Variants in CCND3 observed in about 807,000 individuals in gnomAD.
The protein encoded by CCND3 is cyclin D3.
CCND3 carries 9 observed loss-of-function variants against 28.7 expected under a neutral mutation model. The ratio of observed to expected loss-of-function variants is 0.31; its 90% CI spans 0.19 to 0.55. CCND3 has a LOEUF of 0.55. Among genes scored for constraint, CCND3 ranks in the 20% least tolerant of loss-of-function variants. CCND3 has a pLI of 0.93. For missense variants in CCND3, 315 were observed against 385.8 expected (o/e 0.82, Z 1.54); for synonymous variants, 164 against 163.9 (o/e 1.00, Z 0.00).
intron 1 of CCND3, among the ~76,000 whole-genome samples, chr6:42,047,506 G>C (rs1244770384): frequency 6.6e-6 from 1 of 152,188 alleles, no homozygotes; most frequent in African/African-American, 2.4e-5. Context: ...AGAGGAAACA[G>C]TCTCAGAGTC....
rs529777766 is a variant in CCND3 at position 42,013,882 on chromosome 6, G to T, written c.-46+34619C>A. On this transcript the variant is annotated intron_variant, in intron 1 of 4. Coordinates refer to the CCND3 transcript ENST00000372988. Reference sequence around the variant, plus strand: ...AGGTCAAGAGACTGAGATCATCCTGGCTAATATGGTAAAACTCCATTTCCA... The same window carrying T: ...AGGTCAAGAGACTGAGATCATCCTGTCTAATATGGTAAAACTCCATTTCCA... Among the ~76,000 whole-genome samples, 16 of 151,894 alleles carry T rather than the reference G, an allele frequency of 1.1e-4. No homozygotes were observed. The South Asian group carries it at 2.9e-3, about 28-fold the overall frequency.
At chr6:41,949,460 G>A (rs970534382) in intron 1 of CCND3, among the ~76,000 whole-genome samples, 14 of 152,186 alleles carry the variant, frequency 9.2e-5, no homozygotes, top group South Asian at 2.1e-4. Flanking sequence ...AGCCGAGATC[G>A]TGCCACTGCA....
chr6:41,958,741 T>C (rs1422175951), intron 1 of CCND3, among the ~76,000 whole-genome samples: 2 of 152,190 alleles, frequency 1.3e-5, no homozygotes, highest in Non-Finnish European at 2.9e-5. Flanking sequence ...GGTAAGAATA[T>C]GTTCCAGTTA....
intron 1 of CCND3, among the ~76,000 whole-genome samples, chr6:42,020,804 C>G (rs981128618): frequency 4.6e-5 from 7 of 152,124 alleles, no homozygotes; most frequent in African/African-American, 1.7e-4. Flanking sequence ...CAGGCTGGAG[C>G]GCAATGGCAT....
intron 1 of CCND3, among the ~76,000 whole-genome samples, chr6:41,964,062 G>A (rs1761787479): frequency 6.6e-6 from 1 of 152,204 alleles, no homozygotes. Flanking sequence ...GATGAATAAA[G>A]TATACCCACC....
chr6:42,024,803 A>G (rs574081343), intron 1 of CCND3, among the ~76,000 whole-genome samples: 1 of 152,310 alleles, frequency 6.6e-6, no homozygotes, highest in South Asian at 2.1e-4. Flanking sequence ...TCATGCCTGT[A>G]ATCCCAGCAC....
intron 1 of CCND3, among the ~76,000 whole-genome samples, chr6:42,008,609 G>C (rs1470262989): frequency 6.6e-6 from 1 of 152,200 alleles, no homozygotes; most frequent in Non-Finnish European, 1.5e-5. Flanking sequence ...TGTAGGATTA[G>C]AGAAAATAAA....
chr6:42,018,074 G>T (rs1319669261), intron 1 of CCND3, among the ~76,000 whole-genome samples: 3 of 151,852 alleles, frequency 2.0e-5, no homozygotes. Context: ...CCTTGAACCT[G>T]GGAGGTGGAG....
chr6:42,003,525 C>CAAAAAAAA (rs61494473), intron 1 of CCND3, among the ~76,000 whole-genome samples: 8 of 73,502 alleles, frequency 1.1e-4, no homozygotes, highest in African/African-American at 4.8e-4. Context: ...GACTCTGTCT[C>CAAAAAAAA]AAAAAAAAAA....
At chr6:42,015,301 G>A (rs1241855309) in intron 1 of CCND3, among the ~76,000 whole-genome samples, 1 of 152,178 alleles carries the variant, frequency 6.6e-6, no homozygotes, top group Non-Finnish European at 1.5e-5. Flanking sequence ...GGTGGGGGCT[G>A]TAACAGGAGG....
chr6:42,036,471 A>G (rs1171603781), intron 1 of CCND3, among the ~76,000 whole-genome samples: 1 of 123,444 alleles, frequency 8.1e-6, no homozygotes, highest in Non-Finnish European at 1.6e-5. Context: ...GTGCAGTGGC[A>G]CAATCACTAC....
chr6:41,985,639 T>TAA (rs1266775622), intron 1 of CCND3, among the ~76,000 whole-genome samples: 2 of 46 alleles, frequency 0.043, no homozygotes, highest in African/African-American at 0.045. Flanking sequence ...TTTTTTTTTT[T>TAA]TTTTTTTTGA....
chr6:41,985,315 T>G (rs1384947231), intron 1 of CCND3, among the ~76,000 whole-genome samples: 2 of 141,390 alleles, frequency 1.4e-5, no homozygotes, highest in Non-Finnish European at 3.1e-5. Context: ...TTTTTTTTTT[T>G]TTTTTTTTTT....
At chr6:42,038,894 A>G (rs1764298502) in intron 1 of CCND3, among the ~76,000 whole-genome samples, 1 of 151,948 alleles carries the variant, frequency 6.6e-6, no homozygotes, top group African/African-American at 2.4e-5. Context: ...AAAAGCAACC[A>G]CTCCTTCCTC....
chr6:42,009,935 A>G (rs1465451418), intron 1 of CCND3, among the ~76,000 whole-genome samples: 1 of 152,154 alleles, frequency 6.6e-6, no homozygotes, highest in East Asian at 1.9e-4. Flanking sequence ...ACTTAGTCCT[A>G]CTGAATCAGA....
chr6:42,033,839 G>A (rs868804026), intron 1 of CCND3, among the ~76,000 whole-genome samples: 1 of 145,096 alleles, frequency 6.9e-6, no homozygotes, highest in African/African-American at 2.6e-5. Flanking sequence ...CAACAAGAGC[G>A]AAACTCCGTC....
rs1775893099 is a variant in CCND3 at position 41,938,803 on chromosome 6, T to C, written c.415-1409A>G. On this transcript the variant is annotated intron_variant, in intron 2 of 4. Coordinates refer to ENST00000372991, the MANE Select transcript of CCND3 (RefSeq NM_001760.5). This position sits in a 1 kb window ranked among gnomAD's most constrained non-coding sequence, Gnocchi z 4.6. ...TACACTCATCTGCTCAGTGCGATGC[T>C]GAGGCAGGACCTTGCCCTCCTTCCT... Among the ~76,000 whole-genome samples, 1 of 152,190 alleles carries C rather than the reference T, an allele frequency of 6.6e-6. No individual in the cohort carries two copies. The highest frequency in any genetic ancestry group is 2.1e-4 in the South Asian group (1 of 4,838).
chr6:42,026,280 G>C lies in CCND3; in HGVS notation c.-46+22221C>G, dbSNP rs536105458. 1.8e-4 allele frequency among the ~76,000 whole-genome samples: 24 copies of C among 133,830 alleles called. No homozygotes were observed. The South Asian group carries it at 3.3e-3, about 19-fold the overall frequency. 87.8% of individuals were successfully genotyped at this position (133,830 alleles called of 152,430 possible). ...AGAACAGCACAGACCCTCTCCCCCC[G>C]CCGCCCCCCTGCCAAGGGGAAAATA... On this transcript the variant is annotated intron_variant, in intron 1 of 4. Transcript: ENST00000372988.
Position 41,941,104 on chromosome 6 carries a change from A to C in CCND3, c.198+348T>G, listed in dbSNP as rs549417016. 3.3e-6 allele frequency: 5 copies of C among 1,525,370 alleles called. No homozygotes were observed. Among genetic ancestry groups the C allele is most frequent in the Non-Finnish European group, 4.4e-6 (5 of 1,140,424 alleles). The allele number at this position is 1,525,370 out of a possible 1,614,324, so 94.5% of individuals were successfully genotyped here. On this transcript the variant is annotated intron_variant, in intron 1 of 4. Coordinates refer to ENST00000372991, the MANE Select transcript of CCND3 (RefSeq NM_001760.5). The surrounding 1 kb of genome is among the most constrained non-coding windows in gnomAD (Gnocchi z 6.1). ...CTCCCGGGCGGGGGCGGCCGAGCCCAGGGTTTTCCAGGCGCGCTCTCCGGA... is the reference window on the plus strand; with the variant it reads ...CTCCCGGGCGGGGGCGGCCGAGCCCCGGGTTTTCCAGGCGCGCTCTCCGGA...
Sources: gnomAD v4.1 joint callset for allele counts (sites outside exome capture counted in the v4.1 genomes callset) on GRCh38, gnomAD v4.1.1 for gene constraint, Gnocchi (gnomAD v3.1) non-coding constraint, MANE v1.5 for transcripts, NCBI Gene and HGNC (gene_info 2026-07-23, HGNC 2026-07-21) for gene names.